LARP1B: variants seen among roughly 807,000 people sequenced by gnomAD.
LARP1B encodes La ribonucleoprotein 1B, also known as la-related protein 1B.
A neutral mutation model predicts 114.2 loss-of-function variants in LARP1B; 76 were observed. The ratio of observed to expected loss-of-function variants is 0.67; its 90% CI spans 0.55 to 0.81. The LOEUF (loss-of-function observed/expected upper bound fraction) is 0.81, where lower values mean the gene tolerates loss of function less well. Among genes scored for constraint, LARP1B ranks in the 30% least tolerant of loss-of-function variants. The probability of loss-of-function intolerance (pLI) is 0.00; values close to 1 mark genes in which losing one functional copy is unlikely to be tolerated. For missense variants in LARP1B, 1,014 were observed against 1,075.8 expected (o/e 0.94, Z 0.80); for synonymous variants, 345 against 348.0 (o/e 0.99, Z 0.10).
chr4:128,199,690 G>C lies in LARP1B; in HGVS notation c.2164+91G>C, dbSNP rs139315763. ...ATGTTGTCATTTAATATCAGGTTAAGATATTCTTTTATTGTTAGACTATAC... is the reference window on the plus strand; with the variant it reads ...ATGTTGTCATTTAATATCAGGTTAACATATTCTTTTATTGTTAGACTATAC... On this transcript the variant is annotated intron_variant, in intron 16 of 19. Transcript: ENST00000326639. The C allele has an allele frequency of 4.3e-4, 253 of 582,866 alleles. 1 individual carries two copies. Among genetic ancestry groups the C allele is most frequent in the African/African-American group, 4.3e-3 (223 of 51,572 alleles). The allele number at this position is 582,866 out of a possible 1,614,324, so 36.1% of individuals were successfully genotyped here.
chr4:128,203,535 G>A (rs991387103), intron 17 of LARP1B, among the ~76,000 whole-genome samples: 2 of 151,722 alleles, frequency 1.3e-5, no homozygotes, highest in Admixed American at 6.6e-5. Context: ...CACCACACCC[G>A]GCTAATTTTT....
intron 15 of LARP1B, among the ~76,000 whole-genome samples, chr4:128,186,858 G>C (rs926030943): frequency 1.3e-5 from 2 of 152,198 alleles, no homozygotes; most frequent in African/African-American, 4.8e-5. Context: ...CTGCATTCCA[G>C]CTGCTCCAGC....
intron 17 of LARP1B, among the ~76,000 whole-genome samples, chr4:128,201,520 T>A (rs140963998): frequency 2.6e-4 from 40 of 151,922 alleles, no homozygotes; most frequent in African/African-American, 9.5e-4. Flanking sequence ...TTTTCCCCGC[T>A]AGTCCTGTAG....
At position 128,117,290 on chromosome 4, in the gene LARP1B, A is replaced by G. The variant is rs1044322324; in HGVS notation, c.1161+2548A>G. Among the ~76,000 whole-genome samples the G allele has an allele frequency of 8.6e-5, 13 of 151,796 alleles. No homozygotes were observed. In the East Asian group the frequency reaches 1.4e-3, roughly 16 times the overall value. ...AATGGTGTGATCTTAGCTCACTGCA[A>G]CCTTCACCTCCTGGGTTCAAGAGAT... is the stretch of plus-strand genomic sequence containing the variant. On this transcript the variant is annotated intron_variant, in intron 10 of 19. Coordinates refer to ENST00000326639, the MANE Select transcript of LARP1B (RefSeq NM_018078.4).
At chr4:128,172,619 G>A (rs1049148621) in intron 12 of LARP1B, among the ~76,000 whole-genome samples, 1 of 151,992 alleles carries the variant, frequency 6.6e-6, no homozygotes, top group Non-Finnish European at 1.5e-5. Flanking sequence ...CTTGAACCCG[G>A]GAGGTAGAGG....
chr4:128,107,679 G>A (rs1189544846), intron 9 of LARP1B: 9 of 1,434,468 alleles, frequency 6.3e-6, no homozygotes, highest in Non-Finnish European at 6.3e-6. Flanking sequence ...CAAGAGTGGG[G>A]TAGTCTTCCT....
intron 4 of LARP1B, among the ~76,000 whole-genome samples, chr4:128,080,015 G>A (rs554352583): frequency 8.9e-5 from 13 of 145,504 alleles, no homozygotes; most frequent in African/African-American, 2.8e-4. Context: ...ATGGAGTTTC[G>A]CTCTTGTTGC....
intron 8 of LARP1B, among the ~76,000 whole-genome samples, chr4:128,105,742 A>C (rs769531845): frequency 6.6e-6 from 1 of 152,046 alleles, no homozygotes; most frequent in Non-Finnish European, 1.5e-5. Flanking sequence ...GTACAAAAAA[A>C]TTAGCCGGGT....
intron 5 of LARP1B, among the ~76,000 whole-genome samples, chr4:128,090,214 A>G (rs565984438): frequency 1.3e-5 from 2 of 151,968 alleles, no homozygotes; most frequent in African/African-American, 2.4e-5. Context: ...CTGGGATTAC[A>G]GGTGTGTGCT....
chr4:128,071,306 A>G (rs1174873387), intron 1 of LARP1B, among the ~76,000 whole-genome samples: 1 of 152,128 alleles, frequency 6.6e-6, no homozygotes, highest in Non-Finnish European at 1.5e-5. Flanking sequence ...CGGCCTCCCA[A>G]AGTGCTGGGA....
At chr4:128,066,792 T>A (rs1039043616) in intron 1 of LARP1B, among the ~76,000 whole-genome samples, 57 of 128,468 alleles carry the variant, frequency 4.4e-4, no homozygotes, top group Non-Finnish European at 6.5e-4. Context: ...TTCTATTTTC[T>A]TGCCATTTTT....
chr4:128,072,543 T>C (rs1765783154), intron 1 of LARP1B, among the ~76,000 whole-genome samples: 2 of 151,976 alleles, frequency 1.3e-5, no homozygotes, highest in East Asian at 3.9e-4. Flanking sequence ...CTTTTACTTG[T>C]AATCTGTACG....
chr4:128,088,429 TTTAGA>T (rs150620987), intron 5 of LARP1B, among the ~76,000 whole-genome samples: 2 of 152,300 alleles, frequency 1.3e-5, no homozygotes, highest in Admixed American at 6.5e-5. Flanking sequence ...CCTACTTTTC[TTTAGA>T]TTAATGCATG....
Position 128,140,980 on chromosome 4 carries a change from T to C in LARP1B, c.1524+18792T>C, listed in dbSNP as rs1348033131. On this transcript the variant is annotated intron_variant, in intron 11 of 19. Coordinates refer to ENST00000326639, the MANE Select transcript of LARP1B (RefSeq NM_018078.4). Reference sequence around the variant, plus strand: ...ACAGGCATGCACCACCATGCCTGGCTAATTTTTGTATTTTTAGTAGAGATG... The same window carrying C: ...ACAGGCATGCACCACCATGCCTGGCCAATTTTTGTATTTTTAGTAGAGATG... Among the ~76,000 whole-genome samples the C allele has an allele frequency of 2.6e-5, 4 of 152,138 alleles. No homozygotes were observed. In the East Asian group the frequency reaches 7.8e-4, roughly 29 times the overall value.
chr4:128,115,503 CAA>C (rs1427355752), intron 10 of LARP1B, among the ~76,000 whole-genome samples: 2 of 152,028 alleles, frequency 1.3e-5, no homozygotes, highest in Non-Finnish European at 2.9e-5. Flanking sequence ...CTCAGGAGGT[CAA>C]GACTGCAGTG....
At chr4:128,154,084 C>A (rs986716247) in intron 11 of LARP1B, among the ~76,000 whole-genome samples, 4 of 152,118 alleles carry the variant, frequency 2.6e-5, no homozygotes, top group Admixed American at 6.5e-5. Flanking sequence ...AGTCTTTCCT[C>A]CTTATTTCTC....
intron 15 of LARP1B, 62 bp downstream of exon 15, chr4:128,179,574 C>A: frequency 2.0e-6 from 2 of 999,738 alleles, no homozygotes; most frequent in South Asian, 1.6e-5. Flanking sequence ...AAAACAGTTA[C>A]TAATTGGATA....
In LARP1B at chr4:128,098,322, A is replaced by G. The variant is rs756611818; in HGVS notation, c.805A>G (p.Ile269Val). Residue 269 changes from isoleucine (I) to valine (V), a missense_variant, in exon 8 of 20, where the codon ATC becomes GTC. Transcript: ENST00000326639. ...GGCTCTCACTACAAACCTTAATCTCATCTTAGAGGTAATTGCTCATTTGAT... is the reference window on the plus strand; with the variant it reads ...GGCTCTCACTACAAACCTTAATCTCGTCTTAGAGGTAATTGCTCATTTGAT... ...VQALTTNLNLILEALKDSTEV... is the reference protein window; with the variant it reads ...VQALTTNLNLVLEALKDSTEV... The G allele has an allele frequency of 2.5e-6, 4 of 1,595,692 alleles. No individual in the cohort carries two copies. The highest frequency in any genetic ancestry group is 3.4e-6 in the Non-Finnish European group (4 of 1,165,822).
chr4:128,202,799 G>T (rs1440316041), intron 17 of LARP1B, among the ~76,000 whole-genome samples: 1 of 152,326 alleles, frequency 6.6e-6, no homozygotes, highest in Non-Finnish European at 1.5e-5. Flanking sequence ...GGAAGTAGTG[G>T]TTAAGCACCT....
Sources: allele counts gnomAD v4.1 joint callset (sites outside exome capture counted in the v4.1 genomes callset), GRCh38; gene constraint gnomAD v4.1.1; transcripts MANE v1.5; gene names NCBI Gene and HGNC (gene_info 2026-07-23, HGNC 2026-07-21).